ESRRG: variants seen among roughly 807,000 people sequenced by gnomAD.
ESRRG encodes the protein estrogen-related receptor gamma.
In ESRRG, 13 loss-of-function variants were observed where a neutral mutation model predicts 44.0. That is an observed-to-expected ratio of 0.30 (90% CI 0.19 to 0.47). The LOEUF (loss-of-function observed/expected upper bound fraction) is 0.47, where lower values mean the gene tolerates loss of function less well. Ranked by LOEUF, ESRRG falls within the 20% of genes least tolerant of loss-of-function variation. The pLI, the probability that ESRRG is intolerant of heterozygous loss-of-function variation, is 1.00. For synonymous variants in ESRRG, 215 were observed against 214.6 expected (o/e 1.00, Z -0.02); for missense variants, 395 against 580.6 (o/e 0.68, Z 3.29).
At chr1:216,795,636 TG>T (rs1261740155) in intron 2 of ESRRG, among the ~76,000 whole-genome samples, 5 of 152,082 alleles carry the variant, frequency 3.3e-5, no homozygotes, top group Non-Finnish European at 1.5e-5. Flanking sequence ...CCACTGCACC[TG>T]GCCTCTAAAT....
intron 3 of ESRRG, among the ~76,000 whole-genome samples, chr1:216,600,916 A>G (rs966457519): frequency 2.6e-5 from 4 of 152,186 alleles, no homozygotes; most frequent in Admixed American, 2.6e-4. Context: ...GGACACATTT[A>G]TTCAGCCCAA....
chr1:216,669,611 C>T (rs1007444961), intron 2 of ESRRG, among the ~76,000 whole-genome samples: 5 of 152,186 alleles, frequency 3.3e-5, no homozygotes, highest in Non-Finnish European at 4.4e-5. Flanking sequence ...GTAGGCTGGG[C>T]GCGGTGGCTC....
Position 216,516,169 on chromosome 1 carries a change from A to G in ESRRG, c.1132+2983T>C, listed in dbSNP as rs552406418. 4.6e-5 allele frequency among the ~76,000 whole-genome samples: 7 copies of G among 152,288 alleles called. No individual in the cohort carries two copies. The South Asian group carries it at 1.4e-3, about 32-fold the overall frequency. ...CTCAAGAGGTTGTTAATACTAAAAAATAAGAGAATACATAGCTTAAATGAG... is the reference window on the plus strand; with the variant it reads ...CTCAAGAGGTTGTTAATACTAAAAAGTAAGAGAATACATAGCTTAAATGAG... On this transcript the variant is annotated intron_variant, in intron 6 of 6. Coordinates refer to ENST00000408911, the MANE Select transcript of ESRRG (RefSeq NM_001438.4).
At chr1:216,584,078 G>T (rs964223197) in intron 3 of ESRRG, among the ~76,000 whole-genome samples, 3 of 152,010 alleles carry the variant, frequency 2.0e-5, no homozygotes, top group African/African-American at 4.8e-5. Context: ...TATATGCTTT[G>T]ACATGAAAAT....
intron 1 of ESRRG, among the ~76,000 whole-genome samples, chr1:217,054,214 T>C (rs553354868): frequency 6.6e-6 from 1 of 152,274 alleles, no homozygotes; most frequent in Admixed American, 6.5e-5. Flanking sequence ...ATCTCTCAAC[T>C]TCCCCCTCCT....
intron 6 of ESRRG, among the ~76,000 whole-genome samples, chr1:216,512,799 G>C (rs2043102343): frequency 6.6e-6 from 1 of 152,168 alleles, no homozygotes; most frequent in South Asian, 2.1e-4. Flanking sequence ...TAAGGACCCT[G>C]ATATGGGAGA....
intron 2 of ESRRG, among the ~76,000 whole-genome samples, chr1:216,828,270 A>G (rs528443133): frequency 6.6e-6 from 1 of 152,188 alleles, no homozygotes; most frequent in Non-Finnish European, 1.5e-5. Flanking sequence ...CTGCAAATTT[A>G]AGGATTGAAA....
intron 1 of ESRRG, among the ~76,000 whole-genome samples, chr1:217,130,254 A>G (rs1233442785): frequency 6.6e-6 from 1 of 152,106 alleles, no homozygotes; most frequent in Non-Finnish European, 1.5e-5. Flanking sequence ...TTATAGAGAG[A>G]GGGGGTCTCA....
At chr1:216,690,097 C>T (rs1197439831) in intron 1 of ESRRG, among the ~76,000 whole-genome samples, 1 of 152,056 alleles carries the variant, frequency 6.6e-6, no homozygotes, top group African/African-American at 2.4e-5. Flanking sequence ...ATTTCCACTC[C>T]TAGATATTCA....
At chr1:217,133,635 C>CTTTCTTTCTT (rs1558298142) in intron 1 of ESRRG, among the ~76,000 whole-genome samples, 20 of 87,014 alleles carry the variant, frequency 2.3e-4, no homozygotes, top group South Asian at 8.6e-4. Context: ...CTTTCTTTCT[C>CTTTCTTTCTT]TCTCTCTCTC....
At chr1:216,632,562 G>A (rs1192521096) in intron 3 of ESRRG, among the ~76,000 whole-genome samples, 2 of 152,142 alleles carry the variant, frequency 1.3e-5, no homozygotes, top group Non-Finnish European at 2.9e-5. Context: ...TTTGGTGGTT[G>A]AGGAGGGGGA....
At chr1:216,530,828 A>G (rs1185552718) in intron 5 of ESRRG, among the ~76,000 whole-genome samples, 3 of 152,158 alleles carry the variant, frequency 2.0e-5, no homozygotes, top group African/African-American at 7.2e-5. Context: ...TAGAAATACA[A>G]ATTCCAATAA....
intron 1 of ESRRG, among the ~76,000 whole-genome samples, chr1:217,065,398 C>A (rs1009118784): frequency 6.6e-6 from 1 of 152,204 alleles, no homozygotes; most frequent in African/African-American, 2.4e-5. Flanking sequence ...AGGGGAAATT[C>A]TGTTGTTAAA....
chr1:216,665,966 T>C (rs1486644499), intron 2 of ESRRG, among the ~76,000 whole-genome samples: 2 of 152,166 alleles, frequency 1.3e-5, no homozygotes, highest in African/African-American at 2.4e-5. Flanking sequence ...TCTAAGTTCA[T>C]CTAGTAGTAT....
chr1:216,792,671 GC>G (rs2094355753), intron 2 of ESRRG, among the ~76,000 whole-genome samples: 1 of 152,202 alleles, frequency 6.6e-6, no homozygotes, highest in Non-Finnish European at 1.5e-5. Context: ...AGAGAACTAT[GC>G]AGTAGAATAT....
chr1:216,601,005 C>T (rs975935911), intron 3 of ESRRG, among the ~76,000 whole-genome samples: 1 of 152,200 alleles, frequency 6.6e-6, no homozygotes, highest in Non-Finnish European at 1.5e-5. Flanking sequence ...CTTCGGCGTT[C>T]CTCCCCGGTT....
rs867819709 is a variant in ESRRG, at chr1:216,565,962, G to A, written c.701-1582C>T. ...TAGTAAAGAGCATAAAAATATATCC[G>A]AAAGTAATCATGATTCTAGTTGTTT... On this transcript the variant is annotated intron_variant, in intron 4 of 6. Coordinates refer to ENST00000408911, the MANE Select transcript of ESRRG (RefSeq NM_001438.4). Among the ~76,000 whole-genome samples the A allele has an allele frequency of 1.4e-4, 19 of 137,350 alleles. 1 individual carries two copies. In the South Asian group the frequency reaches 3.1e-3, roughly 23 times the overall value. 90.1% of individuals were successfully genotyped at this position (137,350 alleles called of 152,430 possible).
chr1:216,998,843 A>C (rs1208494875), intron 1 of ESRRG, among the ~76,000 whole-genome samples: 1 of 152,252 alleles, frequency 6.6e-6, no homozygotes, highest in Non-Finnish European at 1.5e-5. Flanking sequence ...ACAAAATTAT[A>C]AATGGCCATT....
At chr1:217,127,265 G>A (rs1347184821) in intron 1 of ESRRG, among the ~76,000 whole-genome samples, 1 of 152,058 alleles carries the variant, frequency 6.6e-6, no homozygotes, top group African/African-American at 2.4e-5. Flanking sequence ...ATTGCCTTTT[G>A]CTTATATGTT....
Sources: gnomAD v4.1 joint callset for allele counts (sites outside exome capture counted in the v4.1 genomes callset) on GRCh38, gnomAD v4.1.1 for gene constraint, MANE v1.5 for transcripts, NCBI Gene and HGNC (gene_info 2026-07-23, HGNC 2026-07-21) for gene names.